The following VPS39 variants were observed in gnomAD, a reference collection of about 807,000 sequenced individuals.
VPS39 encodes VPS39 subunit of HOPS complex.
In VPS39, 70 loss-of-function variants were observed where a neutral mutation model predicts 121.0. The ratio of observed to expected loss-of-function variants is 0.58; its 90% confidence interval spans 0.48 to 0.71. VPS39 has a LOEUF of 0.71. VPS39 is among the 30% of genes least tolerant of loss of function. The pLI is 0.00. For synonymous variants in VPS39, 378 were observed against 398.1 expected (o/e 0.95, Z 0.60); for missense variants, 818 against 1,051.5 (o/e 0.78, Z 3.07).
chr15:42,175,077 G>C (rs1484547340), intron 10 of VPS39, among the ~76,000 whole-genome samples: 1 of 152,130 alleles, frequency 6.6e-6, no homozygotes. Context: ...CATGTGCAAG[G>C]CTTTAAAATG....
intron 8 of VPS39, among the ~76,000 whole-genome samples, chr15:42,183,624 T>C (rs1403453966): frequency 6.6e-6 from 1 of 152,218 alleles, no homozygotes; most frequent in East Asian, 1.9e-4. Flanking sequence ...AAATTTTTCT[T>C]CAAGCCAGGT....
intron 12 of VPS39, among the ~76,000 whole-genome samples, chr15:42,168,541 TTC>T (rs2049288893): frequency 6.6e-6 from 1 of 150,564 alleles, no homozygotes; most frequent in African/African-American, 2.4e-5. Context: ...GCAATACTTC[TTC>T]TTTTTTTTTT....
chr15:42,167,661 CG>C, intron 12 of VPS39, 124 bp from the exon 13 acceptor site: 2 of 1,251,198 alleles, frequency 1.6e-6, no homozygotes, highest in Non-Finnish European at 2.2e-6. Context: ...CATTAGCATT[CG>C]ATTTTTAGCA....
chr15:42,187,819 A>G lies in VPS39; in HGVS notation c.380T>C (p.Val127Ala). ...ETGEEVLRMCVAVKKKLQLYF... is the reference protein window; with the variant it reads ...ETGEEVLRMCAAVKKKLQLYF... ...GAGCTGCAGCTTCTTTTTTACTGCC[A>G]CACACATCCGTAACACCTCCTCACC... Residue 127 changes from valine to alanine, a missense_variant, in exon 6 of 25, where the codon GTG becomes GCG. Physicochemically the swap from Val to Ala is moderately conservative, Grantham distance 64 (BLOSUM62 0). Transcript: ENST00000318006. 1 of 1,614,172 alleles carries G rather than the reference A, an allele frequency of 6.2e-7. No homozygotes were observed. The highest frequency in any genetic ancestry group is 8.5e-7 in the Non-Finnish European group (1 of 1,180,030).
chr15:42,170,950 T>C (rs1043233961), intron 11 of VPS39, among the ~76,000 whole-genome samples: 2 of 151,954 alleles, frequency 1.3e-5, no homozygotes, highest in East Asian at 1.9e-4. Context: ...CCTAGGCTGG[T>C]CTTGAACTCC....
chr15:42,205,055 A>G (rs2050141615), intron 1 of VPS39, among the ~76,000 whole-genome samples: 1 of 152,160 alleles, frequency 6.6e-6, no homozygotes, highest in Non-Finnish European at 1.5e-5. Context: ...GTCTTATTTT[A>G]TAAAAGCCTA....
intron 10 of VPS39, among the ~76,000 whole-genome samples, chr15:42,177,447 T>C (rs2049478237): frequency 1.3e-5 from 2 of 152,082 alleles, no homozygotes; most frequent in South Asian, 2.1e-4. Context: ...GCCGCCTGGC[T>C]GAATACAACA....
intron 12 of VPS39, among the ~76,000 whole-genome samples, chr15:42,168,756 C>A (rs561148730): frequency 1.3e-5 from 2 of 152,240 alleles, no homozygotes; most frequent in South Asian, 2.1e-4. Context: ...GTTGGCCAGG[C>A]TGGTTTCGAA....
In VPS39 at chr15:42,164,364, AG is replaced by A. The variant is rs1281440336; in HGVS notation, c.2019del (p.Phe674LeufsTer5). Reference sequence around the variant, plus strand: ...CCCTAAGCCAGACACTCACCATCAAAGGGAAAATCACAGATGAGCCGGCCTG... The same window carrying A: ...CCCTAAGCCAGACACTCACCATCAAAGGAAAATCACAGATGAGCCGGCCTG... Reference protein sequence around the residue: ...YDPGRLICDFPFDGLLEERAL... With the variant: ...YDPGRLICDFXFDGLLEERAL... On this transcript the variant is annotated frameshift_variant, in exon 19 of 25. Coordinates refer to ENST00000318006, the MANE Select transcript of VPS39 (RefSeq NM_015289.5). LOFTEE classifies it high-confidence loss of function. The A allele has an allele frequency of 4.3e-6, 7 of 1,613,986 alleles. No individual in the cohort carries two copies. Among genetic ancestry groups the A allele is most frequent in the African/African-American group, 1.3e-5 (1 of 74,940 alleles).
chr15:42,197,083 C>T (rs1382640281), intron 2 of VPS39, among the ~76,000 whole-genome samples: 1 of 145,988 alleles, frequency 6.8e-6, no homozygotes. Context: ...GACAAAAAAA[C>T]CAAACACTGC....
At position 42,166,121 on chromosome 15, in the gene VPS39, TGTTTACCAGATAAATCCAAGG is replaced by T; in HGVS notation, c.1680+17_1680+37del. ...TGTCTCAAGTGCAATCAGAACCAAG[TGTTTACCAGATAAATCCAAGG>T]GACTCCTGTGGCTCACCTTCAGGCC... On this transcript the variant is annotated intron_variant, in intron 16 of 24. Transcript: ENST00000318006. The T allele has an allele frequency of 6.3e-7, 1 of 1,586,900 alleles. No homozygotes were observed. Among genetic ancestry groups the T allele is most frequent in the South Asian group, 1.1e-5 (1 of 90,430 alleles).
intron 11 of VPS39, among the ~76,000 whole-genome samples, chr15:42,172,183 T>C (rs1307134626): frequency 6.6e-6 from 1 of 151,880 alleles, no homozygotes; most frequent in Non-Finnish European, 1.5e-5. Context: ...ATAGGAAGAG[T>C]GAGAGTCACA....
At position 42,165,784 on chromosome 15, in the gene VPS39, A is replaced by C. The variant is rs1287924303; in HGVS notation, c.1713T>G (p.Ser571=). ...AGCCGAGGACTCGATCACGTGGCAG[A>C]GACTCCACTTCCGGGAGATCTTCAG... The part of the protein sequence containing the change: ...IFTEDLPEVE[S]LPRDRVLGFL... The change falls in exon 17 of 25, where the codon TCT becomes TCG. Residue 571 remains serine (S), a synonymous_variant. Transcript: ENST00000318006. 1.2e-6 allele frequency: 2 copies of C among 1,614,078 alleles called. No homozygotes were observed. The highest frequency in any genetic ancestry group is 2.7e-5 in the African/African-American group (2 of 74,942).
intron 24 of VPS39, chr15:42,161,083 C>CA (rs2049117923): frequency 2.1e-6 from 1 of 467,780 alleles, no homozygotes; most frequent in South Asian, 2.8e-5. Flanking sequence ...AAACACAAGG[C>CA]ATATTAAAGA....
At chr15:42,186,334 G>A (rs2049701332) in intron 7 of VPS39, among the ~76,000 whole-genome samples, 1 of 152,072 alleles carries the variant, frequency 6.6e-6, no homozygotes, top group Non-Finnish European at 1.5e-5. Flanking sequence ...TGGGCTACCT[G>A]GGAGGCTGAG....
chr15:42,183,824 C>T (rs773112468), intron 8 of VPS39, among the ~76,000 whole-genome samples: 6 of 152,088 alleles, frequency 3.9e-5, no homozygotes, highest in African/African-American at 1.4e-4. Flanking sequence ...AGACAGGGGT[C>T]TTTAAAGACA....
rs147387893 is a variant in VPS39 at position 42,189,132 on chromosome 15, C to T, written c.324G>A (p.Leu108=). The T allele has an allele frequency of 1.1e-5, 18 of 1,613,774 alleles. No individual in the cohort carries two copies. Among genetic ancestry groups the T allele is most frequent in the Non-Finnish European group, 1.4e-5 (16 of 1,179,846 alleles). ...AACTTACCTGGAGGTCACAAGTAAA[C>T]AGTGATGCTCCCTTTGCCTTTGAAA... ...TTVSKAKGAS[L]FTCDLQHTET... Residue 108 remains leucine, a synonymous_variant, in exon 5 of 25, where the codon CTG becomes CTA. Transcript: ENST00000318006.
In VPS39 at chr15:42,184,598, C is replaced by A. The variant is rs1324503017; in HGVS notation, c.637G>T (p.Asp213Tyr). The change falls in exon 8 of 25, where the codon GAT becomes TAT. Residue 213 changes from aspartate (D) to tyrosine (Y), a missense_variant. Physicochemically the swap from Asp to Tyr is radical, Grantham distance 160. Coordinates refer to ENST00000318006, the MANE Select transcript of VPS39 (RefSeq NM_015289.5). ...TCCTCATTGAGTACCACGGTGAGAT[C>A]ATCCTGGCCCACAGCCACTTTTCCA... ...ADGKVAVGQDDLTVVLNEEGI... is the reference protein window; with the variant it reads ...ADGKVAVGQDYLTVVLNEEGI... 6.2e-7 allele frequency: 1 copy of A among 1,614,056 alleles called. No homozygotes were observed. The highest frequency in any genetic ancestry group is 1.3e-5 in the African/African-American group (1 of 74,920).
chr15:42,205,566 G>A (rs777573815), intron 1 of VPS39, among the ~76,000 whole-genome samples: 2 of 152,250 alleles, frequency 1.3e-5, no homozygotes, highest in Non-Finnish European at 2.9e-5. Flanking sequence ...GTACACAGAA[G>A]ACAGGGAAGA....
Sources: allele counts gnomAD v4.1 joint callset (sites outside exome capture counted in the v4.1 genomes callset), GRCh38; gene constraint gnomAD v4.1.1; transcripts MANE v1.5; gene names NCBI Gene and HGNC (gene_info 2026-07-23, HGNC 2026-07-21).